Variants in TCF7 observed in about 807,000 individuals in gnomAD.
The protein encoded by TCF7 is T-cell-factor-7.
Under a neutral mutation model 46.8 loss-of-function variants are expected in TCF7, and 19 were observed. That is an observed-to-expected ratio of 0.41 (90% confidence interval 0.28 to 0.60). TCF7 has a LOEUF of 0.60. TCF7 is among the 20% of genes least tolerant of loss of function. The pLI is 0.35. For missense variants in TCF7, 547 were observed against 504.6 expected (o/e 1.08, Z -0.81); for synonymous variants, 245 against 213.4 (o/e 1.15, Z -1.29).
At chr5:134,144,695 AC>A in intron 9 of TCF7, 1 of 865,572 alleles carries the variant, frequency 1.2e-6, no homozygotes, top group Non-Finnish European at 1.9e-6. Context: ...GGTGTCTATA[AC>A]TGGCTAACAC....
intron 3 of TCF7, among the ~76,000 whole-genome samples, chr5:134,116,599 C>T (rs1387376965): frequency 6.6e-6 from 1 of 152,208 alleles, no homozygotes; most frequent in African/African-American, 2.4e-5. Context: ...AGGAAACTGG[C>T]TTGGTCTCAG....
At chr5:134,145,772 TA>T in intron 9 of TCF7, 2 of 1,613,850 alleles carry the variant, frequency 1.2e-6, no homozygotes, top group Non-Finnish European at 1.7e-6. Flanking sequence ...TCAAGGATGG[TA>T]ATGGACAAGA....
chr5:134,133,766 TCTC>T (rs1214664609), intron 3 of TCF7, among the ~76,000 whole-genome samples: 1 of 152,088 alleles, frequency 6.6e-6, no homozygotes, highest in Non-Finnish European at 1.5e-5. Context: ...ATCCAGCACT[TCTC>T]CTGTGGTCTG....
chr5:134,142,425 T>C (rs1360732842), intron 6 of TCF7, 121 bp downstream of exon 6: 4 of 1,167,176 alleles, frequency 3.4e-6, no homozygotes, highest in Non-Finnish European at 4.6e-6. Context: ...GGCTATGTTT[T>C]TGATCCTCAG....
chr5:134,121,477 T>C (rs1242582308), intron 3 of TCF7, among the ~76,000 whole-genome samples: 1 of 151,272 alleles, frequency 6.6e-6, no homozygotes, highest in Non-Finnish European at 1.5e-5. Context: ...CCAGCTACTC[T>C]ACTCAGGAGG....
intron 3 of TCF7, chr5:134,123,878 G>A (rs969010865): frequency 1.3e-5 from 6 of 454,558 alleles, no homozygotes; most frequent in Non-Finnish European, 2.2e-5. Flanking sequence ...GGAGGAACTC[G>A]AACAGAGCCA....
Position 134,142,746 on chromosome 5 carries a change from G to C in TCF7, c.781G>C (p.Glu261Gln). Reference sequence around the variant, plus strand: ...GAAGACACAAGCAGAGTCCAAGGCAGAGAAGGAGGCCAAGAAGCCAACCAT... The same window carrying C: ...GAAGACACAAGCAGAGTCCAAGGCACAGAAGGAGGCCAAGAAGCCAACCAT... ...NLKTQAESKAEKEAKKPTIKK... is the reference protein window; with the variant it reads ...NLKTQAESKAQKEAKKPTIKK... Residue 261 changes from glutamate (E) to glutamine (Q), a missense_variant, in exon 7 of 10, where the codon GAG (glutamate) becomes CAG (glutamine). Glu to Gln is a conservative substitution (Grantham distance 29). Around this residue, in one of 3 missense-constraint regions of TCF7, gnomAD observed 425 missense variants for 349.9 expected, o/e 1.21. Transcript: ENST00000342854. 3 of 1,614,176 alleles carry C rather than the reference G, an allele frequency of 1.9e-6. No individual in the cohort carries two copies. The highest frequency in any genetic ancestry group is 2.5e-6 in the Non-Finnish European group (3 of 1,180,030).
At chr5:134,133,584 G>A (rs1758453030) in intron 3 of TCF7, among the ~76,000 whole-genome samples, 1 of 152,168 alleles carries the variant, frequency 6.6e-6, no homozygotes, top group South Asian at 2.1e-4. Flanking sequence ...CCCTGTGCTA[G>A]ACGGTTTCCC....
chr5:134,136,339 C>T (rs1409564122), intron 3 of TCF7, among the ~76,000 whole-genome samples: 1 of 152,132 alleles, frequency 6.6e-6, no homozygotes, highest in Non-Finnish European at 1.5e-5. Context: ...CCTTGCTAGC[C>T]ACCTATAGGG....
chr5:134,144,490 GCCT>G, intron 9 of TCF7: 1 of 394,834 alleles, frequency 2.5e-6, no homozygotes, highest in South Asian at 2.9e-5. Flanking sequence ...CCCCTCTGCA[GCCT>G]CCATGCTGCA....
At position 134,115,091 on chromosome 5, in the gene TCF7, C is replaced by CG; in HGVS notation, c.187dup (p.Ala63GlyfsTer129). On this transcript the variant is annotated frameshift_variant, in exon 1 of 10. Coordinates refer to ENST00000342854, the MANE Select transcript of TCF7 (RefSeq NM_003202.5). LOFTEE classifies it high-confidence loss of function. Reference sequence around the variant, plus strand: ...TCGCTCGTGAACGAGTCCGAGGGCGCGGCCGGCGGCGCAGGGATCCCGGGG... The same window carrying CG: ...TCGCTCGTGAACGAGTCCGAGGGCGCGGGCCGGCGGCGCAGGGATCCCGGGG... 2 of 1,092,244 alleles carry CG rather than the reference C, an allele frequency of 1.8e-6. No homozygotes were observed. Among genetic ancestry groups the CG allele is most frequent in the Non-Finnish European group, 2.3e-6 (2 of 886,088 alleles). The allele number at this position is 1,092,244 out of a possible 1,614,324, so 67.7% of individuals were successfully genotyped here.
intron 3 of TCF7, among the ~76,000 whole-genome samples, chr5:134,129,099 CTG>C (rs1157727692): frequency 1.1e-4 from 17 of 152,344 alleles, no homozygotes; most frequent in Non-Finnish European, 2.2e-4. Context: ...TCACTGCTTG[CTG>C]TGAGACCTCG....
chr5:134,128,776 C>T (rs1237969093), intron 3 of TCF7, among the ~76,000 whole-genome samples: 1 of 152,098 alleles, frequency 6.6e-6, no homozygotes, highest in Admixed American at 6.5e-5. Flanking sequence ...CGAGAGCACC[C>T]CAGCCTCCGG....
intron 9 of TCF7, chr5:134,145,633 G>A: frequency 8.3e-7 from 1 of 1,201,262 alleles, no homozygotes; most frequent in South Asian, 1.4e-5. Context: ...CACACTCCCT[G>A]TCCAAGGGCA....
Position 134,146,870 on chromosome 5 carries a change from C to T in TCF7, c.*567C>T. The T allele has an allele frequency of 3.1e-6, 1 of 317,676 alleles. No individual in the cohort carries two copies. Among genetic ancestry groups the T allele is most frequent in the South Asian group, 3.5e-5 (1 of 28,474 alleles). The allele number at this position is 317,676 out of a possible 1,614,324, so 19.7% of individuals were successfully genotyped here. On this transcript the variant is annotated 3_prime_UTR_variant, in exon 10 of 10. Transcript: ENST00000342854. ...GGGCTGAACTGAGCCTAGCTACCTT[C>T]TCTACCCATCTCCCCCATCCCCCAC...
chr5:134,129,970 C>T (rs931647935), intron 3 of TCF7, among the ~76,000 whole-genome samples: 1 of 152,254 alleles, frequency 6.6e-6, no homozygotes, highest in Non-Finnish European at 1.5e-5. Context: ...GCTCAGGTGG[C>T]CACGCATCCA....
At chr5:134,133,143 G>T (rs2149323010) in intron 3 of TCF7, among the ~76,000 whole-genome samples, 1 of 152,292 alleles carries the variant, frequency 6.6e-6, no homozygotes, top group East Asian at 1.9e-4. Context: ...TGTCTGGGAT[G>T]GTGGGGGAGA....
At chr5:134,132,507 C>G (rs1758269367) in intron 3 of TCF7, among the ~76,000 whole-genome samples, 1 of 152,236 alleles carries the variant, frequency 6.6e-6, no homozygotes, top group African/African-American at 2.4e-5. Flanking sequence ...CACCTATCCC[C>G]TACCCCCCAC....
intron 5 of TCF7, chr5:134,141,874 G>A (rs775618890): frequency 8.2e-6 from 2 of 244,686 alleles, no homozygotes; most frequent in Non-Finnish European, 1.6e-5. Context: ...GCCTCACAGG[G>A]CAGCCACAGG....
Sources: gnomAD v4.1 joint callset for allele counts (sites outside exome capture counted in the v4.1 genomes callset) on GRCh38, gnomAD v4.1.1 for gene constraint, gnomAD v4.1.1 regional missense constraint, MANE v1.5 for transcripts, NCBI Gene and HGNC (gene_info 2026-07-23, HGNC 2026-07-21) for gene names.